Variants in DNAH12 observed in about 807,000 individuals in gnomAD.
DNAH12 encodes the protein axonemal beta dynein heavy chain 12.
DNAH12 carries 285 observed loss-of-function variants against 371.5 expected under a neutral mutation model. The ratio of observed to expected loss-of-function variants is 0.77; its 90% confidence interval spans 0.70 to 0.85. The LOEUF is 0.85. Among genes scored for constraint, DNAH12 ranks in the 40% least tolerant of loss-of-function variants. The pLI is 0.00. For synonymous variants in DNAH12, 1,200 were observed against 1,213.0 expected (o/e 0.99, Z 0.22); for missense variants, 3,611 against 3,689.4 (o/e 0.98, Z 0.55).
At chr3:57,451,110 C>T (rs1405590176) in intron 25 of DNAH12, among the ~76,000 whole-genome samples, 2 of 152,176 alleles carry the variant, frequency 1.3e-5, no homozygotes, top group African/African-American at 4.8e-5. Flanking sequence ...ACTGTCCCAT[C>T]CTGCTGTCCT....
chr3:57,542,633 G>C, intron 2 of DNAH12, 68 bp downstream of exon 2: 1 of 1,475,374 alleles, frequency 6.8e-7, no homozygotes, highest in Non-Finnish European at 9.0e-7. Context: ...AAACTTTTTA[G>C]GAGAATATGA....
chr3:57,503,431 T>C (rs4681989), intron 9 of DNAH12, among the ~76,000 whole-genome samples: 100,455 of 150,066 alleles, frequency 0.67, 33,871 homozygotes, highest in South Asian at 0.75. Context: ...ACTGTGTCAC[T>C]AGGCTGGAGT....
intron 56 of DNAH12, among the ~76,000 whole-genome samples, chr3:57,367,337 A>C (rs1463882959): frequency 2.0e-5 from 3 of 152,260 alleles, no homozygotes; most frequent in African/African-American, 7.2e-5. Context: ...AATGATAATA[A>C]TAACATACAG....
rs2065027309 is a variant in DNAH12 at position 57,433,830 on chromosome 3, T to C, written c.4656-2A>G. ...AAAGGCTCTCCTACTAACATAAAAC[T>C]ATGAAGGAAAAGAAATAATTATACA... On this transcript the variant is annotated splice_acceptor_variant, in intron 30 of 73. Coordinates refer to ENST00000495027, the MANE Select transcript of DNAH12 (RefSeq NM_001366028.2). LOFTEE classifies it high-confidence loss of function. 2 of 1,519,084 alleles carry C rather than the reference T, an allele frequency of 1.3e-6. No homozygotes were observed. The highest frequency in any genetic ancestry group is 1.8e-6 in the Non-Finnish European group (2 of 1,137,244). 94.1% of individuals were successfully genotyped at this position (1,519,084 alleles called of 1,614,324 possible). A position where few individuals can be genotyped will look rare whatever the true frequency, so the allele number is the denominator to read the frequency against.
rs773617511 is a variant in DNAH12 at position 57,457,829 on chromosome 3, A to T, written c.3228T>A (p.Ile1076=). Residue 1076 remains isoleucine (I), a synonymous_variant, in exon 22 of 74, where the codon ATT becomes ATA. Transcript: ENST00000495027. The part of the protein sequence containing the change: ...YSSEGERVEL[I]ALISTSAARG... ...GCGCTGCAGACGTGGAAATGAGTGC[A>T]ATCAGCTCCACTCGCTCGCCCTCAG... The T allele has an allele frequency of 1.9e-4, 302 of 1,551,522 alleles. No homozygotes were observed. The highest frequency in any genetic ancestry group is 2.4e-4 in the Non-Finnish European group (281 of 1,147,002).
chr3:57,514,422 C>CA (rs1020503421), intron 4 of DNAH12, among the ~76,000 whole-genome samples: 5 of 148,320 alleles, frequency 3.4e-5, no homozygotes, highest in East Asian at 2.0e-4. Context: ...AATAAATAAA[C>CA]AAAAAAAAGC....
chr3:57,398,895 T>G (rs1428281702), intron 43 of DNAH12, among the ~76,000 whole-genome samples: 7 of 152,084 alleles, frequency 4.6e-5, no homozygotes, highest in Non-Finnish European at 8.8e-5. Flanking sequence ...TGTGGAGAAA[T>G]AGAGAATCCT....
chr3:57,336,621 C>G (rs147353605), intron 60 of DNAH12, among the ~76,000 whole-genome samples: 1 of 151,848 alleles, frequency 6.6e-6, no homozygotes, highest in Non-Finnish European at 1.5e-5. Context: ...TGGATCTACA[C>G]CAAAGAATAA....
chr3:57,521,063 CAAAAAAAAAAAAAAAAAAAAAAA>C (rs61570396), intron 4 of DNAH12, among the ~76,000 whole-genome samples: 15 of 54,440 alleles, frequency 2.8e-4, no homozygotes, highest in African/African-American at 6.6e-4. Flanking sequence ...GACTCTGTCT[CAAAAAAAAAAAAAAAAAAAAAAA>C]AAAAAAAAAA....
chr3:57,458,279 A>C, intron 20 of DNAH12, 59 bp from the exon 21 acceptor site: 1 of 1,491,404 alleles, frequency 6.7e-7, no homozygotes, highest in Non-Finnish European at 8.9e-7. Flanking sequence ...TTATGACTTA[A>C]ATATCAATCT....
chr3:57,463,244 G>A (rs924720137), intron 17 of DNAH12, among the ~76,000 whole-genome samples: 4 of 151,306 alleles, frequency 2.6e-5, no homozygotes, highest in Admixed American at 1.3e-4. Context: ...ACTGCACTCC[G>A]GCCTGGGTGA....
intron 55 of DNAH12, among the ~76,000 whole-genome samples, chr3:57,368,884 A>T (rs920548427): frequency 1.3e-5 from 2 of 152,082 alleles, no homozygotes; most frequent in Non-Finnish European, 2.9e-5. Context: ...TCTTGTATTC[A>T]GTACAGTACA....
chr3:57,400,411 G>T (rs2063833078), intron 43 of DNAH12, among the ~76,000 whole-genome samples: 1 of 152,180 alleles, frequency 6.6e-6, no homozygotes, highest in South Asian at 2.1e-4. Context: ...TTTGGCAGAA[G>T]TGAAAGAAGA....
At chr3:57,545,550 C>T (rs1471884973), upstream of DNAH12, among the ~76,000 whole-genome samples, 6 of 151,156 alleles carry the variant, frequency 4.0e-5, no homozygotes, top group African/African-American at 1.2e-4. Context: ...ACAGGGCTCT[C>T]GCTCTGTCAC....
intron 12 of DNAH12, 83 bp from the exon 13 acceptor site, chr3:57,483,594 T>G: frequency 1.5e-6 from 2 of 1,366,192 alleles, no homozygotes; most frequent in Non-Finnish European, 1.9e-6. Context: ...ACGATTACTA[T>G]AAAATAAGAA....
At position 57,366,820 on chromosome 3, in the gene DNAH12, C is replaced by G. The variant is rs1017404951; in HGVS notation, c.9076G>C (p.Glu3026Gln). The change falls in exon 57 of 74, where the codon GAA becomes CAA. Residue 3026 changes from glutamate to glutamine, a missense_variant. By Grantham distance (29) the Glu-to-Gln change is conservative. Coordinates refer to ENST00000495027, the MANE Select transcript of DNAH12 (RefSeq NM_001366028.2). ...AGCAAAGACACTTTTGTAGCCAGTT[C>G]TGGCATATAGTGCGGGTTTCTCAGT... is the stretch of plus-strand genomic sequence containing the variant. The part of the protein sequence containing the change: ...TKLRNPHYMP[E>Q]LATKVSLLNF... The G allele has an allele frequency of 1.3e-5, 2 of 152,178 alleles. No homozygotes were observed. The highest frequency in any genetic ancestry group is 2.9e-5 in the Non-Finnish European group (2 of 68,028). The allele number at this position is 152,178 out of a possible 1,614,324, so 9.4% of individuals were successfully genotyped here.
intron 34 of DNAH12, chr3:57,428,340 A>C (rs902900061): frequency 8.6e-7 from 1 of 1,163,514 alleles, no homozygotes; most frequent in Non-Finnish European, 1.2e-6. Flanking sequence ...TAAACTCACT[A>C]AATGTACATT....
chr3:57,535,582 G>C (rs1317452089), intron 2 of DNAH12, among the ~76,000 whole-genome samples: 1 of 151,998 alleles, frequency 6.6e-6, no homozygotes, highest in Non-Finnish European at 1.5e-5. Context: ...TGCTCTTGTT[G>C]CCCAGGCTGG....
At chr3:57,419,571 G>C in intron 36 of DNAH12, 53 bp from the exon 37 acceptor site, 1 of 1,293,986 alleles carries the variant, frequency 7.7e-7, no homozygotes, top group East Asian at 3.0e-5. Flanking sequence ...TGCTGTATCT[G>C]AAAGGCTCTT....
Sources: gnomAD v4.1 joint callset for allele counts (sites outside exome capture counted in the v4.1 genomes callset) on GRCh38, gnomAD v4.1.1 for gene constraint, MANE v1.5 for transcripts, NCBI Gene and HGNC (gene_info 2026-07-23, HGNC 2026-07-21) for gene names.